PBX1: variants seen among roughly 807,000 people sequenced by gnomAD.
PBX1 encodes the protein PBX homeobox 1.
In PBX1, 6 loss-of-function variants were observed where a neutral mutation model predicts 53.4. That is an observed-to-expected ratio of 0.11 (90% confidence interval 0.06 to 0.22). The LOEUF is 0.22. PBX1 is among the 10% of genes least tolerant of loss of function. PBX1 has a pLI of 1.00. For missense variants in PBX1, 251 were observed against 551.4 expected (o/e 0.46, Z 5.46); for synonymous variants, 204 against 212.3 (o/e 0.96, Z 0.34).
At position 164,799,881 on chromosome 1, in the gene PBX1, G is replaced by A; in HGVS notation, c.693G>A (p.Leu231=). ...EAVMILRSRF[L]DARRKRRNFN... ...TGATGATCCTGCGTTCCCGATTTCT[G>A]GATGCGCGGTGAGTCTCCCATGGGG... Residue 231 remains leucine (L), a synonymous_variant, in exon 4 of 9, where the codon CTG becomes CTA. Coordinates refer to ENST00000420696, the MANE Select transcript of PBX1 (RefSeq NM_002585.4). 1 of 1,611,320 alleles carries A rather than the reference G, an allele frequency of 6.2e-7. No homozygotes were observed. Among genetic ancestry groups the A allele is most frequent in the Non-Finnish European group, 8.5e-7 (1 of 1,178,186 alleles).
At chr1:164,647,526 A>T (rs1659530896) in intron 2 of PBX1, among the ~76,000 whole-genome samples, 1 of 152,116 alleles carries the variant, frequency 6.6e-6, no homozygotes, top group African/African-American at 2.4e-5. Flanking sequence ...CCCAGGTATG[A>T]TCTTTTAAGA....
intron 2 of PBX1, among the ~76,000 whole-genome samples, chr1:164,628,159 C>CA (rs991270332): frequency 2.0e-5 from 3 of 152,126 alleles, no homozygotes; most frequent in Non-Finnish European, 4.4e-5. Context: ...ATTTACTTTA[C>CA]AAAAAAGTTT....
chr1:164,687,108 T>C (rs1279146863), intron 2 of PBX1, among the ~76,000 whole-genome samples: 2 of 152,164 alleles, frequency 1.3e-5, no homozygotes, highest in Admixed American at 6.5e-5. Flanking sequence ...ACAACAGCCA[T>C]AGTTCTGGAG....
At chr1:164,568,434 C>A (rs1319628042) in intron 2 of PBX1, among the ~76,000 whole-genome samples, 2 of 152,114 alleles carry the variant, frequency 1.3e-5, no homozygotes, top group South Asian at 4.1e-4. Context: ...CTAAGAAGCA[C>A]CCATTCATTT....
chr1:164,700,187 T>A (rs1663036595), intron 2 of PBX1, among the ~76,000 whole-genome samples: 1 of 152,110 alleles, frequency 6.6e-6, no homozygotes, highest in Admixed American at 6.5e-5. Flanking sequence ...TGGGAGCATG[T>A]GTGTGGCTTT....
At chr1:164,870,254 CTTCCTTCCTTCCTTCTTTCTTTCT>C (rs1672325386) in intron 2 of PBX1, among the ~76,000 whole-genome samples, 4 of 64,614 alleles carry the variant, frequency 6.2e-5, no homozygotes, top group African/African-American at 2.7e-4. Context: ...TCCTTCCTTC[CTTCCTTCCTTCCTTCTTTCTTTCT>C]TTCTTTCTTT....
In PBX1 at chr1:164,561,438, G is replaced by A. The variant is rs530049349; in HGVS notation, c.191+1425G>A. On this transcript the variant is annotated intron_variant, in intron 1 of 8. Transcript: ENST00000420696. ...AGTATCCTAAGTTTTGTTTAAATAG[G>A]GGAAATTTTAAAAATTAATTGGTGC... Among the ~76,000 whole-genome samples the A allele has an allele frequency of 7.9e-5, 12 of 152,184 alleles. No homozygotes were observed. The East Asian group carries it at 2.3e-3, about 29-fold the overall frequency.
Position 164,849,354 on chromosome 1 carries a change from C to T in PBX1, c.*2678C>T, listed in dbSNP as rs774067714. 22 of 1,535,654 alleles carry T rather than the reference C, an allele frequency of 1.4e-5. No individual in the cohort carries two copies. Among genetic ancestry groups the T allele is most frequent in the Non-Finnish European group, 1.8e-5 (21 of 1,146,774 alleles). ...TCTATACCCAGCACCTCCCCCGGCA[C>T]CCCCGGCAAGCCCACTATCACTTCC... On this transcript the variant is annotated 3_prime_UTR_variant, in exon 9 of 9. Coordinates refer to ENST00000420696, the MANE Select transcript of PBX1 (RefSeq NM_002585.4).
chr1:164,597,074 T>C (rs1655817548), intron 2 of PBX1, among the ~76,000 whole-genome samples: 1 of 152,246 alleles, frequency 6.6e-6, no homozygotes. Flanking sequence ...TGTTCCAGGA[T>C]CTACACTTAG....
chr1:164,572,673 G>T (rs901951329), intron 2 of PBX1, among the ~76,000 whole-genome samples: 1 of 152,154 alleles, frequency 6.6e-6, no homozygotes, highest in African/African-American at 2.4e-5. Flanking sequence ...CAGAGCTTCA[G>T]TGTTCTCATT....
At chr1:164,804,860 T>TG (rs765253468) in intron 4 of PBX1, among the ~76,000 whole-genome samples, 5 of 152,216 alleles carry the variant, frequency 3.3e-5, no homozygotes, top group Non-Finnish European at 5.9e-5. Context: ...TCTATAGTAA[T>TG]GTCACCAAAT....
intron 2 of PBX1, chr1:164,774,346 C>T (rs1160988211): frequency 1.3e-5 from 2 of 152,132 alleles, no homozygotes; most frequent in Non-Finnish European, 2.9e-5. Context: ...GAGAAGTCTC[C>T]ATCTGGGAGG....
intron 2 of PBX1, among the ~76,000 whole-genome samples, chr1:164,663,240 TCCTGCCTTCCTGCCTG>T: frequency 7.4e-6 from 1 of 134,944 alleles, no homozygotes; most frequent in East Asian, 2.2e-4. Flanking sequence ...CTTCCTTCCT[TCCTGCCTTCCTGCCTG>T]CCTGCCTGCC....
In PBX1 at chr1:164,763,001, G is replaced by A. The variant is rs568033042; in HGVS notation, c.266-29493G>A. ...AAGTACTTTTCATGTATATTATCTC[G>A]ATTTTGATATCATGATAATTCTAAA... is the stretch of plus-strand genomic sequence containing the variant. On this transcript the variant is annotated intron_variant, in intron 2 of 8. Coordinates refer to ENST00000420696, the MANE Select transcript of PBX1 (RefSeq NM_002585.4). 1.2e-4 allele frequency among the ~76,000 whole-genome samples: 19 copies of A among 152,100 alleles called. No individual in the cohort carries two copies. The South Asian group carries it at 3.3e-3, about 27-fold the overall frequency.
At chr1:164,613,580 C>G (rs201056685) in intron 2 of PBX1, among the ~76,000 whole-genome samples, 1 of 152,188 alleles carries the variant, frequency 6.6e-6, no homozygotes, top group African/African-American at 2.4e-5. Flanking sequence ...CACAGTGTTG[C>G]GGTTATGATC....
intron 2 of PBX1, among the ~76,000 whole-genome samples, chr1:164,702,813 C>T (rs555570682): frequency 8.3e-4 from 127 of 152,178 alleles, no homozygotes; most frequent in African/African-American, 2.9e-3. Context: ...TTCTTCTTCT[C>T]GTTGACATTG....
At chr1:164,691,478 G>C (rs867705059) in intron 2 of PBX1, among the ~76,000 whole-genome samples, 2 of 152,262 alleles carry the variant, frequency 1.3e-5, no homozygotes, top group Middle Eastern at 3.4e-3. Context: ...GTTTTAGAGT[G>C]TTCTAAGCTT....
At chr1:164,649,512 C>T (rs2101918151) in intron 2 of PBX1, among the ~76,000 whole-genome samples, 2 of 152,224 alleles carry the variant, frequency 1.3e-5, no homozygotes, top group East Asian at 3.9e-4. Flanking sequence ...AGTTTTTTCC[C>T]CCCAGTATGC....
chr1:164,866,632 G>T (rs773813426), intron 2 of PBX1, among the ~76,000 whole-genome samples: 1 of 152,098 alleles, frequency 6.6e-6, no homozygotes, highest in Non-Finnish European at 1.5e-5. Context: ...TCCCTTATCT[G>T]GCTCCAGTCA....
Sources: gnomAD v4.1 joint callset for allele counts (sites outside exome capture counted in the v4.1 genomes callset) on GRCh38, gnomAD v4.1.1 for gene constraint, MANE v1.5 for transcripts, NCBI Gene and HGNC (gene_info 2026-07-23, HGNC 2026-07-21) for gene names.